The following ERCC6L2 variants were observed in gnomAD, a reference collection of about 807,000 sequenced individuals.
ERCC6L2 encodes the protein ERCC excision repair 6 like 2, also known as DNA excision repair protein ERCC-6-like 2.
A neutral mutation model predicts 132.0 loss-of-function variants in ERCC6L2; 77 were observed. The observed-to-expected ratio is 0.58, with a 90% CI of 0.49 to 0.71. ERCC6L2 has a LOEUF of 0.71. Among genes scored for constraint, ERCC6L2 ranks in the 30% least tolerant of loss-of-function variants. The pLI, the probability that ERCC6L2 is intolerant of heterozygous loss-of-function variation, is 0.00. For missense variants in ERCC6L2, 1,542 were observed against 1,837.6 expected (o/e 0.84, Z 2.94); for synonymous variants, 583 against 632.4 (o/e 0.92, Z 1.17).
chr9:95,926,294 T>C (rs1830096603), intron 9 of ERCC6L2, among the ~76,000 whole-genome samples: 1 of 152,198 alleles, frequency 6.6e-6, no homozygotes, highest in South Asian at 2.1e-4. Flanking sequence ...TTAAATTTTA[T>C]TGAGTTTTAA....
At chr9:96,037,919 G>T (rs767582271) in intron 19 of ERCC6L2, among the ~76,000 whole-genome samples, 1 of 151,932 alleles carries the variant, frequency 6.6e-6, no homozygotes, top group East Asian at 1.9e-4. Context: ...AGGTGATCTA[G>T]TATCTATGGA....
intron 3 of ERCC6L2, among the ~76,000 whole-genome samples, chr9:95,902,681 T>A (rs938269510): frequency 1.3e-5 from 2 of 152,140 alleles, no homozygotes; most frequent in Non-Finnish European, 2.9e-5. Flanking sequence ...TGTATAAGAA[T>A]GTCTGTTTCC....
chr9:95,902,359 A>G (rs1828822467), intron 3 of ERCC6L2, among the ~76,000 whole-genome samples: 1 of 152,152 alleles, frequency 6.6e-6, no homozygotes, highest in Admixed American at 6.6e-5. Flanking sequence ...TCTAAGTAAA[A>G]TTCATAATTA....
At chr9:95,965,633 G>A (rs1214127611) in intron 13 of ERCC6L2, among the ~76,000 whole-genome samples, 7 of 152,084 alleles carry the variant, frequency 4.6e-5, no homozygotes, top group Non-Finnish European at 7.4e-5. Context: ...AGCCTCCCGA[G>A]TAGCTGGGAT....
intron 2 of ERCC6L2, among the ~76,000 whole-genome samples, chr9:95,891,179 C>T (rs1410761530): frequency 6.6e-6 from 1 of 152,160 alleles, no homozygotes; most frequent in Non-Finnish European, 1.5e-5. Flanking sequence ...CACCATTGCA[C>T]TCCAGCCTGG....
intron 17 of ERCC6L2, among the ~76,000 whole-genome samples, chr9:95,995,891 C>T (rs907730172): frequency 6.6e-6 from 1 of 152,200 alleles, no homozygotes; most frequent in African/African-American, 2.4e-5. Flanking sequence ...CTCTATCCCT[C>T]TCCTTAGACC....
chr9:95,952,494 A>AAG (rs1831384258), intron 12 of ERCC6L2, among the ~76,000 whole-genome samples: 1 of 152,186 alleles, frequency 6.6e-6, no homozygotes, highest in African/African-American at 2.4e-5. Flanking sequence ...AGGAAAAAAG[A>AAG]CACATAATCA....
intron 17 of ERCC6L2, among the ~76,000 whole-genome samples, chr9:95,992,169 T>G (rs1198550559): frequency 6.6e-6 from 1 of 152,166 alleles, no homozygotes; most frequent in Non-Finnish European, 1.5e-5. Flanking sequence ...CTCACTAACT[T>G]TTTGGTTTTT....
At chr9:96,024,079 G>T (rs746187193) in intron 19 of ERCC6L2, among the ~76,000 whole-genome samples, 1 of 152,162 alleles carries the variant, frequency 6.6e-6, no homozygotes, top group Non-Finnish European at 1.5e-5. Flanking sequence ...TCTTAAACAC[G>T]AATCACTTTC....
intron 17 of ERCC6L2, among the ~76,000 whole-genome samples, chr9:95,982,456 G>A: frequency 6.6e-6 from 1 of 152,070 alleles, no homozygotes; most frequent in East Asian, 1.9e-4. Context: ...ACTTTGGGGA[G>A]ATAGAGCATT....
intron 1 of ERCC6L2, chr9:95,877,242 G>A (rs1205164829): frequency 6.6e-6 from 1 of 152,080 alleles, no homozygotes; most frequent in African/African-American, 2.4e-5. Context: ...TGGATACTGA[G>A]AGATTCCATT....
rs1392892471 is a variant in ERCC6L2, at chr9:96,015,215, T to C, written c.*2012T>C. On this transcript the variant is annotated 3_prime_UTR_variant, in exon 19 of 19. Coordinates refer to ENST00000653738, the MANE Select transcript of ERCC6L2 (RefSeq NM_020207.7). ...ATTTTTTTTTTTTTTTGAGACGGAG[T>C]CTCACTCTGTCGCCAGGCTGGAGTG... Among the ~76,000 whole-genome samples the C allele has an allele frequency of 6.8e-6, 1 of 146,538 alleles. No homozygotes were observed.
chr9:96,015,026 T>TTTTTTTTTTTTTTTG lies in ERCC6L2; in HGVS notation c.*1824_*1838dup, dbSNP rs1834154234. On this transcript the variant is annotated 3_prime_UTR_variant, in exon 19 of 19. Transcript: ENST00000653738. ...TTCATATATGTACAGTTTTTTTTTT[T>TTTTTTTTTTTTTTTG]TTTTTTTTTTTTTTGAGATTGAGTC... Among the ~76,000 whole-genome samples the TTTTTTTTTTTTTTTG allele has an allele frequency of 7.8e-6, 1 of 128,440 alleles. No homozygotes were observed. Among genetic ancestry groups the TTTTTTTTTTTTTTTG allele is most frequent in the African/African-American group, 3.1e-5 (1 of 32,030 alleles). 84.3% of individuals were successfully genotyped at this position (128,440 alleles called of 152,430 possible).
chr9:95,934,270 A>G (rs1412703042), intron 11 of ERCC6L2, among the ~76,000 whole-genome samples: 2 of 152,152 alleles, frequency 1.3e-5, no homozygotes, highest in African/African-American at 4.8e-5. Context: ...AGATAGTTCA[A>G]AACATGAAAA....
At chr9:95,933,287 A>G (rs539751702) in intron 11 of ERCC6L2, among the ~76,000 whole-genome samples, 1 of 152,022 alleles carries the variant, frequency 6.6e-6, no homozygotes, top group African/African-American at 2.4e-5. Flanking sequence ...TAACTTATCC[A>G]TTTTTTTAAT....
At chr9:96,027,175 C>G (rs1834389148) in intron 19 of ERCC6L2, among the ~76,000 whole-genome samples, 1 of 112,256 alleles carries the variant, frequency 8.9e-6, no homozygotes, top group South Asian at 3.6e-4. Context: ...CACACACACA[C>G]ACACCACACA....
chr9:95,955,565 T>G (rs1264470823), intron 12 of ERCC6L2, among the ~76,000 whole-genome samples: 3 of 151,670 alleles, frequency 2.0e-5, no homozygotes, highest in Non-Finnish European at 4.4e-5. Context: ...GTTGGCATTT[T>G]GGGGATTTTT....
At chr9:95,939,055 T>C (rs1830681569) in intron 11 of ERCC6L2, among the ~76,000 whole-genome samples, 1 of 152,158 alleles carries the variant, frequency 6.6e-6, no homozygotes, top group Non-Finnish European at 1.5e-5. Context: ...ATAGAAATTT[T>C]ACTTACATTT....
intron 20 of ERCC6L2, among the ~76,000 whole-genome samples, chr9:96,039,530 G>A (rs1588071832): frequency 6.6e-6 from 1 of 152,184 alleles, no homozygotes; most frequent in Non-Finnish European, 1.5e-5. Context: ...AGTGAAGCCA[G>A]CCAGGGTAGC....
Sources: gnomAD v4.1 joint callset for allele counts (sites outside exome capture counted in the v4.1 genomes callset) on GRCh38, gnomAD v4.1.1 for gene constraint, MANE v1.5 for transcripts, NCBI Gene and HGNC (gene_info 2026-07-23, HGNC 2026-07-21) for gene names.